COL2A1: variants seen among roughly 807,000 people sequenced by gnomAD.
COL2A1 encodes collagen type II alpha 1 chain.
COL2A1 carries 28 observed loss-of-function variants against 204.5 expected under a neutral mutation model. The observed-to-expected ratio is 0.14, with a 90% CI of 0.10 to 0.19. COL2A1 has a LOEUF of 0.19. Among genes scored for constraint, COL2A1 ranks in the 10% least tolerant of loss-of-function variants. The pLI is 1.00. For missense variants in COL2A1, 1,388 were observed against 2,027.5 expected (o/e 0.68, Z 6.06); for synonymous variants, 708 against 718.7 (o/e 0.99, Z 0.24).
chr12:47,993,769 CT>C (rs1485955298), intron 14 of COL2A1, 39 bp downstream of exon 14: 1 of 1,604,414 alleles, frequency 6.2e-7, no homozygotes, highest in Non-Finnish European at 8.5e-7. Flanking sequence ...TCCTCATTGT[CT>C]CCCTCCTCCC....
In COL2A1 at chr12:47,986,365, C is replaced by A. The variant is rs768110640; in HGVS notation, c.1498G>T (p.Val500Phe). Residue 500 changes from valine to phenylalanine, a missense_variant, in exon 23 of 54, where the codon GTT becomes TTT. Around this residue, in one of 3 missense-constraint regions of COL2A1, gnomAD observed 884 missense variants for 1,415.8 expected, o/e 0.62. Coordinates refer to ENST00000380518, the MANE Select transcript of COL2A1 (RefSeq NM_001844.5). ...TCTCCAGGGGGACCGATGGGCCCAA[C>A]GCCACCAGGCTCTCCACGGGCACCT... ...KRGARGEPGGVGPIGPPGERG... is the reference protein window; with the variant it reads ...KRGARGEPGGFGPIGPPGERG... 5 of 1,569,144 alleles carry A rather than the reference C, an allele frequency of 3.2e-6. No homozygotes were observed. The highest frequency in any genetic ancestry group is 4.3e-6 in the Non-Finnish European group (5 of 1,156,346).
chr12:47,985,612 T>G (rs1939351513), intron 25 of COL2A1, 25 bp from the exon 26 acceptor site: 1 of 1,613,232 alleles, frequency 6.2e-7, no homozygotes, highest in South Asian at 1.1e-5. Flanking sequence ...GAGAAGAGGG[T>G]GGGGTCAGGA....
In COL2A1 at chr12:47,982,584, G is replaced by C; in HGVS notation, c.2219C>G (p.Pro740Arg). The change falls in exon 34 of 54, where the codon CCT becomes CGT. Residue 740 changes from proline (P) to arginine (R), a missense_variant. Pro to Arg is a moderately radical substitution (Grantham distance 103). Coordinates refer to ENST00000380518, the MANE Select transcript of COL2A1 (RefSeq NM_001844.5). Reference protein sequence around the residue: ...PKGASGPAGPPGAQGPPGLQG... With the variant: ...PKGASGPAGPRGAQGPPGLQG... ...AAGACCTGGAGGGCCCTGAGCCCCA[G>C]GGGGGCCTGCTGGGCCAGATGCACC... 6.2e-7 allele frequency: 1 copy of C among 1,613,104 alleles called. No homozygotes were observed. The highest frequency in any genetic ancestry group is 1.1e-5 in the South Asian group (1 of 91,056).
rs76609872 is a variant in COL2A1 at position 48,004,141 on chromosome 12, G to C, written c.85+96C>G. ...ACGACCCCGGGAGCCGTTTTAGCCC[G>C]GAGCCGCGGGCTCCAGAGCTGGAGC... On this transcript the variant is annotated intron_variant, in intron 1 of 53. Coordinates refer to ENST00000380518, the MANE Select transcript of COL2A1 (RefSeq NM_001844.5). 18,277 of 972,690 alleles carry C rather than the reference G, an allele frequency of 0.019. 337 individuals are homozygous for C. The highest frequency in any genetic ancestry group is 0.019 in the Non-Finnish European group (11,881 of 620,678). The allele number at this position is 972,690 out of a possible 1,614,324, so 60.3% of individuals were successfully genotyped here.
At chr12:47,974,991 T>G (rs1050592390) in intron 51 of COL2A1, 129 bp from the exon 52 acceptor site, 14 of 994,330 alleles carry the variant, frequency 1.4e-5, no homozygotes, top group African/African-American at 4.8e-5. Flanking sequence ...ACATGTGGCC[T>G]GAAAGGAGGG....
chr12:47,977,247 T>C, intron 46 of COL2A1, 73 bp downstream of exon 46: 3 of 1,586,096 alleles, frequency 1.9e-6, no homozygotes, highest in East Asian at 2.2e-5. Context: ...GTCCAGAGAC[T>C]GCGGAAACCC....
At position 47,983,348 on chromosome 12, in the gene COL2A1, C is replaced by T. The variant is rs376235805; in HGVS notation, c.2049+37G>A. On this transcript the variant is annotated intron_variant, in intron 31 of 53. Transcript: ENST00000380518. The stretch of plus-strand genomic sequence containing the variant: ...TAGGCATCAGAAAAGACCTTCCCAT[C>T]TAAACAGGTTGCAGGTCCAAAGAGC... 825 of 1,609,086 alleles carry T rather than the reference C, an allele frequency of 5.1e-4. 1 individual carries two copies. Among genetic ancestry groups the T allele is most frequent in the South Asian group, 9.7e-4 (88 of 90,850 alleles).
chr12:47,993,812 C>A lies in COL2A1; in HGVS notation c.921G>T (p.Val307=). The A allele has an allele frequency of 6.2e-7, 1 of 1,614,156 alleles. No individual in the cohort carries two copies. The highest frequency in any genetic ancestry group is 1.3e-5 in the African/African-American group (1 of 75,038). ...GAKGEAGAPG[V]KGESGSPGEN... ...ATTGTACTTTCTGGCCTCTCACCTTCACACCAGGAGCACCCGCCTCTCCCT... is the reference window on the plus strand; with the variant it reads ...ATTGTACTTTCTGGCCTCTCACCTTAACACCAGGAGCACCCGCCTCTCCCT... The change falls in exon 14 of 54, where the codon GTG becomes GTT. Residue 307 remains valine, a synonymous_variant. Coordinates refer to ENST00000380518, the MANE Select transcript of COL2A1 (RefSeq NM_001844.5).
chr12:47,980,811 G>A lies in COL2A1; in HGVS notation c.2517+104C>T. ...AGTATGGAGGCGGGAAAGGAGAGGA[G>A]AGGAGCATCCATTTCCCTCCCTGAC... On this transcript the variant is annotated intron_variant, in intron 38 of 53. Transcript: ENST00000380518. This position sits in a 1 kb window ranked among gnomAD's most constrained non-coding sequence, Gnocchi z 4.5. 2 of 1,432,644 alleles carry A rather than the reference G, an allele frequency of 1.4e-6. No individual in the cohort carries two copies. The highest frequency in any genetic ancestry group is 1.2e-5 in the South Asian group (1 of 81,734). 88.7% of individuals were successfully genotyped at this position (1,432,644 alleles called of 1,614,324 possible).
In COL2A1 at chr12:47,980,424, C is replaced by T; in HGVS notation, c.2625+130G>A. On this transcript the variant is annotated intron_variant, in intron 39 of 53. Transcript: ENST00000380518. This position sits in a 1 kb window ranked among gnomAD's most constrained non-coding sequence, Gnocchi z 4.5. Reference sequence around the variant, plus strand: ...ACACAGCCCACATGCCACATGGAAGCTCCTTCTACCAACATGGGGGTGTTC... The same window carrying T: ...ACACAGCCCACATGCCACATGGAAGTTCCTTCTACCAACATGGGGGTGTTC... The T allele has an allele frequency of 4.6e-6, 4 of 861,436 alleles. No homozygotes were observed. The highest frequency in any genetic ancestry group is 5.7e-6 in the Non-Finnish European group (3 of 522,150). 53.4% of individuals were successfully genotyped at this position (861,436 alleles called of 1,614,324 possible). A position where few individuals can be genotyped will look rare whatever the true frequency, so the allele number is the denominator to read the frequency against.
chr12:47,981,343 C>T lies in COL2A1; in HGVS notation c.2463G>A (p.Pro821=), dbSNP rs769766820. ...CAGGCTCAGAGGGGCAGACACTCAC[C>T]GGAGCGCCACGAGCACCAGCACTTC... The part of the protein sequence containing the change: ...PAGSAGARGA[P]GERGETGPPG... Residue 821 remains proline (P), a splice_region_variant and synonymous_variant, in exon 37 of 54, where the codon CCG becomes CCA. Transcript: ENST00000380518. 22 of 1,612,506 alleles carry T rather than the reference C, an allele frequency of 1.4e-5. No individual in the cohort carries two copies. In the African/African-American group the frequency reaches 1.6e-4, roughly 12 times the overall value.
At chr12:47,985,455 C>A in intron 26 of COL2A1, 79 bp downstream of exon 26, 1 of 1,489,384 alleles carries the variant, frequency 6.7e-7, no homozygotes. Context: ...CTCCCTAACC[C>A]AAACTCCATC....
rs1938513818 is a variant in COL2A1, at chr12:47,973,083, T to C, written c.*324A>G. 1 of 597,708 alleles carries C rather than the reference T, an allele frequency of 1.7e-6. No homozygotes were observed. Among genetic ancestry groups the C allele is most frequent in the Non-Finnish European group, 3.0e-6 (1 of 336,016 alleles). The allele number at this position is 597,708 out of a possible 1,614,324, so 37.0% of individuals were successfully genotyped here. On this transcript the variant is annotated 3_prime_UTR_variant, in exon 54 of 54. Coordinates refer to ENST00000380518, the MANE Select transcript of COL2A1 (RefSeq NM_001844.5). The stretch of plus-strand genomic sequence containing the variant: ...ACACACAGTTCCTGCGCCCGGCACC[T>C]GAAGGGAGGTCTTCTGGCCTGGGCT...
chr12:48,004,946 G>T (rs1358138593), upstream of COL2A1, among the ~76,000 whole-genome samples: 1 of 152,244 alleles, frequency 6.6e-6, no homozygotes, highest in African/African-American at 2.4e-5. Flanking sequence ...ACCGCGTCAG[G>T]CGTTTGGGAG....
At chr12:47,994,141 A>G in intron 12 of COL2A1, 94 bp from the exon 13 acceptor site, 1 of 1,402,636 alleles carries the variant, frequency 7.1e-7, no homozygotes, top group Non-Finnish European at 1.0e-6. Context: ...CCCTTGGGCC[A>G]CCAGGGCGTT....
intron 25 of COL2A1, 30 bp downstream of exon 25, chr12:47,985,698 G>A: frequency 6.2e-7 from 1 of 1,612,564 alleles, no homozygotes; most frequent in Non-Finnish European, 8.5e-7. Context: ...AGGGTCTGAA[G>A]CCAAGGGCAA....
At position 47,994,436 on chromosome 12, in the gene COL2A1, C is replaced by A. The variant is rs779092796; in HGVS notation, c.804G>T (p.Pro268=). ...CGGTGGCGTTTACCTGAGGACCAGG[C>A]GGACCCCTTTCACCAGCTTTTCCAG... ...GKPGKAGERG[P]PGPQGARGFP... Residue 268 remains proline (P), a synonymous_variant, in exon 12 of 54, where the codon CCG becomes CCT. Coordinates refer to ENST00000380518, the MANE Select transcript of COL2A1 (RefSeq NM_001844.5). 6.2e-7 allele frequency: 1 copy of A among 1,613,976 alleles called. No homozygotes were observed. The highest frequency in any genetic ancestry group is 1.3e-5 in the African/African-American group (1 of 74,920).
chr12:47,974,967 A>G (rs1396434180), intron 51 of COL2A1, 105 bp from the exon 52 acceptor site: 4 of 1,214,130 alleles, frequency 3.3e-6, no homozygotes, highest in Non-Finnish European at 4.6e-6. Context: ...CTACAGGGAC[A>G]AGGGATGAGG....
chr12:47,980,975 G>C lies in COL2A1; in HGVS notation c.2464-7C>G. 2 of 1,551,136 alleles carry C rather than the reference G, an allele frequency of 1.3e-6. No homozygotes were observed. Among genetic ancestry groups the C allele is most frequent in the Non-Finnish European group, 1.7e-6 (2 of 1,147,060 alleles). On this transcript the variant is annotated splice_region_variant and splice_polypyrimidine_tract_variant and intron_variant, in intron 37 of 53. Transcript: ENST00000380518. This position sits in a 1 kb window ranked among gnomAD's most constrained non-coding sequence, Gnocchi z 4.5. Reference sequence around the variant, plus strand: ...CAGTCTCTCCACGTTCACCCTGTGAGAGAAGGGGGCATGGCGAGAGGTCAG... The same window carrying C: ...CAGTCTCTCCACGTTCACCCTGTGACAGAAGGGGGCATGGCGAGAGGTCAG...
Sources: gnomAD v4.1 joint callset for allele counts (sites outside exome capture counted in the v4.1 genomes callset) on GRCh38, gnomAD v4.1.1 for gene constraint, gnomAD v4.1.1 regional missense constraint, Gnocchi (gnomAD v3.1) non-coding constraint, MANE v1.5 for transcripts, NCBI Gene and HGNC (gene_info 2026-07-23, HGNC 2026-07-21) for gene names.